The following CLNK variants were observed in gnomAD, a reference collection of about 807,000 sequenced individuals.
CLNK encodes cytokine-dependent hematopoietic cell linker.
In CLNK, 74 loss-of-function variants were observed where a neutral mutation model predicts 68.6. The ratio of observed to expected loss-of-function variants is 1.08; its 90% CI spans 0.89 to 1.31. The LOEUF is 1.31. Among genes scored for constraint, CLNK ranks in the 50% most tolerant of loss-of-function variants. The pLI is 0.00. For missense variants in CLNK, 553 were observed against 515.3 expected, an observed-to-expected ratio of 1.07 and a Z score of -0.71; for synonymous variants, 198 against 172.2, an observed-to-expected ratio of 1.15 and a Z score of -1.17.
chr4:10,658,491 C>A (rs1232020225), intron 2 of CLNK, among the ~76,000 whole-genome samples: 6 of 152,190 alleles, frequency 3.9e-5, no homozygotes, highest in South Asian at 2.1e-4. Context: ...CTAGGGGTCT[C>A]TGGTGCTGTT....
At chr4:10,526,796 T>C (rs1322189362) in intron 13 of CLNK, among the ~76,000 whole-genome samples, 7 of 152,236 alleles carry the variant, frequency 4.6e-5, no homozygotes, top group Non-Finnish European at 5.9e-5. Flanking sequence ...ACATATGCAA[T>C]TTATGTTCCT....
chr4:10,699,494 C>CTCTATATATATATATATA, the CLNK span, among the ~76,000 whole-genome samples: 5 of 56,984 alleles, frequency 8.8e-5, no homozygotes, highest in African/African-American at 3.6e-4. Flanking sequence ...CTCTCTCTCT[C>CTCTATATATATATATATA]TATATATATA....
At chr4:10,679,862 AAAC>A (rs1725025818) in intron 1 of CLNK, among the ~76,000 whole-genome samples, 1 of 152,128 alleles carries the variant, frequency 6.6e-6, no homozygotes, top group South Asian at 2.1e-4. Context: ...AAAAGTCAGG[AAAC>A]AACAGGTGCT....
Position 10,527,531 on chromosome 4 carries a change from A to G in CLNK, c.649+545T>C, listed in dbSNP as rs760996787. On this transcript the variant is annotated intron_variant, in intron 13 of 18. Transcript: ENST00000226951. The stretch of plus-strand genomic sequence containing the variant: ...TGCAGGCCCTTTGGCTCTGGACATA[A>G]TTCATCATTCTAGAAGAATGGAGAA... Among the ~76,000 whole-genome samples the G allele has an allele frequency of 1.2e-4, 19 of 152,218 alleles. 1 individual carries two copies. Among genetic ancestry groups the G allele is most frequent in the Admixed American group, 2.0e-4 (3 of 15,280 alleles).
At chr4:10,706,072 G>A in the CLNK span, among the ~76,000 whole-genome samples, 2 of 152,192 alleles carry the variant, frequency 1.3e-5, no homozygotes, top group Admixed American at 6.5e-5. Flanking sequence ...GAAACAAGGT[G>A]GGTCTGTGCT....
chr4:10,643,375 A>G (rs1723383595), intron 2 of CLNK, among the ~76,000 whole-genome samples: 1 of 152,234 alleles, frequency 6.6e-6, no homozygotes, highest in Non-Finnish European at 1.5e-5. Context: ...TGGGATGCAT[A>G]AAATAATGAC....
chr4:10,635,747 AAGACATGAAAGAGCTTATAGGTTAGAT>A (rs1430274129), intron 2 of CLNK: 1 of 152,198 alleles, frequency 6.6e-6, no homozygotes, highest in Non-Finnish European at 1.5e-5. Context: ...CTCAAAGATG[AAGACATGAAAGAGCTTATAGGTTAGAT>A]ACCTTGTCCA....
At position 10,623,404 on chromosome 4, in the gene CLNK, G is replaced by A. The variant is rs77064773; in HGVS notation, c.12-25355C>T. Reference sequence around the variant, plus strand: ...TTGAGCATCTCCTCACTGCCTCTGGGTAATACAATACGGTGGCCAGAGTAA... The same window carrying A: ...TTGAGCATCTCCTCACTGCCTCTGGATAATACAATACGGTGGCCAGAGTAA... On this transcript the variant is annotated intron_variant, in intron 2 of 18. Coordinates refer to ENST00000226951, the MANE Select transcript of CLNK (RefSeq NM_052964.4). Among the ~76,000 whole-genome samples the A allele has an allele frequency of 2.0e-3, 307 of 152,270 alleles. 2 individuals are homozygous for A. Among genetic ancestry groups the A allele is most frequent in the African/African-American group, 7.1e-3 (297 of 41,546 alleles).
intron 16 of CLNK, among the ~76,000 whole-genome samples, chr4:10,511,191 G>C (rs1329906705): frequency 6.6e-6 from 1 of 151,800 alleles, no homozygotes; most frequent in African/African-American, 2.4e-5. Flanking sequence ...AAGCATATTT[G>C]ATTGAAGTCT....
chr4:10,573,640 C>T (rs549155345), intron 4 of CLNK, among the ~76,000 whole-genome samples: 6 of 152,292 alleles, frequency 3.9e-5, no homozygotes, highest in Admixed American at 1.3e-4. Flanking sequence ...CCCTCGTTAT[C>T]GAGGAAAACA....
intron 2 of CLNK, among the ~76,000 whole-genome samples, chr4:10,608,557 C>T (rs1010821926): frequency 5.3e-5 from 8 of 152,232 alleles, no homozygotes; most frequent in African/African-American, 1.9e-4. Flanking sequence ...AACCTTTTGC[C>T]TCTCCTTTTG....
In CLNK at chr4:10,543,304, C is replaced by T. The variant is rs911114569; in HGVS notation, c.446-1024G>A. Reference sequence around the variant, plus strand: ...ATGTTTGATTATCTCTAAAAATGGGCGTGGTGTAATAAATGCTATTTTATA... The same window carrying T: ...ATGTTTGATTATCTCTAAAAATGGGTGTGGTGTAATAAATGCTATTTTATA... On this transcript the variant is annotated intron_variant, in intron 8 of 18. Transcript: ENST00000226951. Among the ~76,000 whole-genome samples the T allele has an allele frequency of 3.9e-5, 6 of 152,034 alleles. No homozygotes were observed. In the South Asian group the frequency reaches 8.3e-4, roughly 21 times the overall value.
chr4:10,714,990 G>T, the CLNK span, among the ~76,000 whole-genome samples: 1 of 151,092 alleles, frequency 6.6e-6, no homozygotes, highest in South Asian at 2.1e-4. Context: ...ATCCTTCTTT[G>T]GTTTCAGTAT....
At chr4:10,520,704 G>T in intron 15 of CLNK, 87 bp downstream of exon 15, 2 of 938,844 alleles carry the variant, frequency 2.1e-6, no homozygotes, top group East Asian at 2.6e-5. Context: ...CAGTGGCTCT[G>T]GGGTTCACAA....
chr4:10,604,756 T>A (rs1721724545), intron 2 of CLNK, among the ~76,000 whole-genome samples: 1 of 152,222 alleles, frequency 6.6e-6, no homozygotes. Context: ...CACTAATGAA[T>A]TTCCAGCAAT....
the CLNK span, among the ~76,000 whole-genome samples, chr4:10,704,414 A>G: frequency 2.0e-5 from 3 of 152,222 alleles, no homozygotes; most frequent in African/African-American, 7.2e-5. Context: ...TTTTTATAGG[A>G]AACAATGGAA....
At chr4:10,721,032 C>T in the CLNK span, among the ~76,000 whole-genome samples, 1 of 152,158 alleles carries the variant, frequency 6.6e-6, no homozygotes, top group African/African-American at 2.4e-5. Flanking sequence ...GGGGACTTTC[C>T]AGAGAATTAT....
chr4:10,723,226 A>G, the CLNK span, among the ~76,000 whole-genome samples: 1 of 152,104 alleles, frequency 6.6e-6, no homozygotes. Context: ...TGGGCATAGA[A>G]AGTTGGGGGT....
intron 4 of CLNK, among the ~76,000 whole-genome samples, chr4:10,579,746 T>A (rs1028182341): frequency 6.6e-6 from 1 of 152,212 alleles, no homozygotes; most frequent in Admixed American, 6.5e-5. Context: ...CACCCTGTTC[T>A]TCTTGCCCTT....
Sources: gnomAD v4.1 joint callset for allele counts (sites outside exome capture counted in the v4.1 genomes callset) on GRCh38, gnomAD v4.1.1 for gene constraint, MANE v1.5 for transcripts, NCBI Gene and HGNC (gene_info 2026-07-23, HGNC 2026-07-21) for gene names.